NPFFR2: variants seen among roughly 807,000 people sequenced by gnomAD.
NPFFR2 encodes neuropeptide FF receptor 2, also known as G-protein coupled receptor 74.
In NPFFR2, 15 loss-of-function variants were observed where a neutral mutation model predicts 13.1. The ratio of observed to expected loss-of-function variants is 1.15; its 90% confidence interval spans 0.77 to 1.76. NPFFR2 has a LOEUF of 1.76. Among genes scored for constraint, NPFFR2 ranks in the 40% most tolerant of loss-of-function variants. The probability of loss-of-function intolerance (pLI) is 0.00; values close to 1 mark genes in which losing one functional copy is unlikely to be tolerated. For synonymous variants in NPFFR2, 190 were observed against 175.7 expected (o/e 1.08, Z -0.65); for missense variants, 572 against 503.5 (o/e 1.14, Z -1.30).
chr4:72,094,434 G>T (rs1350610262), intron 1 of NPFFR2, among the ~76,000 whole-genome samples: 1 of 152,180 alleles, frequency 6.6e-6, no homozygotes, highest in Non-Finnish European at 1.5e-5. Flanking sequence ...TATGTCCTTT[G>T]TCTTCAGCTA....
intron 2 of NPFFR2, among the ~76,000 whole-genome samples, chr4:72,135,023 G>C (rs1578478940): frequency 6.6e-6 from 1 of 152,104 alleles, no homozygotes; most frequent in East Asian, 1.9e-4. Context: ...CACTTAATTA[G>C]TTAGCTGTAT....
chr4:72,060,779 C>G (rs1023365820), intron 1 of NPFFR2, among the ~76,000 whole-genome samples: 3 of 152,108 alleles, frequency 2.0e-5, no homozygotes, highest in African/African-American at 7.2e-5. Context: ...TTCATCATCA[C>G]TTTTCTACTA....
At position 72,138,044 on chromosome 4, in the gene NPFFR2, G is replaced by A. The variant is rs764742681; in HGVS notation, c.333G>A (p.Trp111Ter). The A allele has an allele frequency of 1.9e-6, 3 of 1,609,876 alleles. No homozygotes were observed. Among genetic ancestry groups the A allele is most frequent in the Non-Finnish European group, 2.5e-6 (3 of 1,176,990 alleles). Residue 111 changes from tryptophan (W) to a stop codon, truncating the protein, a stop_gained, in exon 3 of 4, where the codon TGG (tryptophan) becomes TGA (stop). Transcript: ENST00000308744. LOFTEE classifies it high-confidence loss of function. The part of the protein sequence containing the change: ...ITLLDNIIAG[W>*]PFGNTMCKIS... The stretch of plus-strand genomic sequence containing the variant: ...ACTGTTTCATTTTCCTTTCAGGATG[G>A]CCATTTGGAAACACGATGTGCAAGA...
chr4:72,051,240 G>T (rs1270250625), intron 1 of NPFFR2, among the ~76,000 whole-genome samples: 2 of 151,834 alleles, frequency 1.3e-5, no homozygotes, highest in Non-Finnish European at 1.5e-5. Context: ...CAGTGTAAAT[G>T]GAAGTAAAGC....
chr4:72,144,139 G>A lies in NPFFR2; in HGVS notation c.429-2839G>A, dbSNP rs546979888. 2.0e-4 allele frequency among the ~76,000 whole-genome samples: 30 copies of A among 152,192 alleles called. No homozygotes were observed. The South Asian group carries it at 2.9e-3, about 15-fold the overall frequency. The stretch of plus-strand genomic sequence containing the variant: ...GTCAGGTGGAGCAGCTTCAAGGTTA[G>A]GGCTGAACCTTCTTTCACTCTCCTG... On this transcript the variant is annotated intron_variant, in intron 3 of 3. Coordinates refer to ENST00000308744, the MANE Select transcript of NPFFR2 (RefSeq NM_004885.3).
At chr4:72,040,930 A>ATATATATT (rs1719197734) in intron 1 of NPFFR2, among the ~76,000 whole-genome samples, 1 of 149,266 alleles carries the variant, frequency 6.7e-6, no homozygotes, top group Non-Finnish European at 1.5e-5. Flanking sequence ...GCTGTAAAAT[A>ATATATATT]TATATATATA....
chr4:72,105,822 C>T (rs913473568), intron 1 of NPFFR2, among the ~76,000 whole-genome samples: 1 of 151,960 alleles, frequency 6.6e-6, no homozygotes, highest in Admixed American at 6.6e-5. Context: ...TAATGAATGT[C>T]ACATGCTAGA....
At chr4:72,049,422 T>G (rs948574853) in intron 1 of NPFFR2, among the ~76,000 whole-genome samples, 1 of 152,094 alleles carries the variant, frequency 6.6e-6, no homozygotes, top group Non-Finnish European at 1.5e-5. Flanking sequence ...TGAAATAGAA[T>G]TTTTGCAGGG....
rs372789219 is a variant in NPFFR2 at position 72,147,339 on chromosome 4, G to A, written c.790G>A (p.Val264Met). 4.3e-6 allele frequency: 7 copies of A among 1,614,106 alleles called. No individual in the cohort carries two copies. Among genetic ancestry groups the A allele is most frequent in the South Asian group, 2.2e-5 (2 of 91,080 alleles). ...TGRKNQEQWH[V>M]VSRKKQKIIK... ...CAGGAAGAACCAGGAGCAGTGGCAC[G>A]TGGTGTCCAGGAAGAAGCAGAAGAT... Residue 264 changes from valine to methionine, a missense_variant, in exon 4 of 4, where the codon GTG (valine) becomes ATG (methionine). Val to Met is a conservative substitution (Grantham distance 21). Transcript: ENST00000308744.
At chr4:72,090,549 A>G (rs1720891465) in intron 1 of NPFFR2, among the ~76,000 whole-genome samples, 1 of 151,982 alleles carries the variant, frequency 6.6e-6, no homozygotes, top group Non-Finnish European at 1.5e-5. Context: ...CCCTCTGGTT[A>G]TGTATATTCC....
At chr4:72,090,208 C>T (rs951609182) in intron 1 of NPFFR2, among the ~76,000 whole-genome samples, 11 of 152,104 alleles carry the variant, frequency 7.2e-5, no homozygotes, top group African/African-American at 2.7e-4. Context: ...AAGTACCATG[C>T]TGTTGTGGTG....
intron 1 of NPFFR2, among the ~76,000 whole-genome samples, chr4:72,036,001 A>T (rs963795350): frequency 5.9e-5 from 9 of 152,194 alleles, no homozygotes; most frequent in Admixed American, 5.9e-4. Flanking sequence ...AGAATATTAC[A>T]GTTCTGGTTG....
chr4:72,083,955 G>C (rs563993301), intron 1 of NPFFR2, among the ~76,000 whole-genome samples: 43 of 152,214 alleles, frequency 2.8e-4, no homozygotes, highest in African/African-American at 1.0e-3. Flanking sequence ...ACTCAAGTCA[G>C]ATCCAATACA....
rs750555908 is a variant in NPFFR2 at position 72,128,589 on chromosome 4, A to G, written c.-3A>G. ...TTCTGTCTCTTCTTTATTAAGGTTC[A>G]TCATGAATGAGAAATGGGACACAAA... On this transcript the variant is annotated 5_prime_UTR_variant, in exon 2 of 4. Transcript: ENST00000308744. The G allele has an allele frequency of 6.3e-7, 1 of 1,590,142 alleles. No homozygotes were observed. The highest frequency in any genetic ancestry group is 8.6e-7 in the Non-Finnish European group (1 of 1,164,106).
At chr4:72,046,353 A>G (rs868465761) in intron 1 of NPFFR2, among the ~76,000 whole-genome samples, 1 of 152,190 alleles carries the variant, frequency 6.6e-6, no homozygotes, top group Admixed American at 6.5e-5. Flanking sequence ...TAATGCCATC[A>G]TTGCAGAAGT....
At position 72,067,026 on chromosome 4, in the gene NPFFR2, G is replaced by A. The variant is rs142325078; in HGVS notation, c.-8+34826G>A. On this transcript the variant is annotated intron_variant, in intron 1 of 3. Transcript: ENST00000308744. ...TCTGCTGGGCTTTTCCCAGGTTGGG[G>A]CCTTATTCAACACATGAGCAACAGT... Among the ~76,000 whole-genome samples, 57 of 130,624 alleles carry A rather than the reference G, an allele frequency of 4.4e-4. No individual in the cohort carries two copies. In the East Asian group the frequency reaches 0.01, roughly 24 times the overall value. The allele number at this position is 130,624 out of a possible 152,430, so 85.7% of individuals were successfully genotyped here.
chr4:72,132,717 T>C (rs539534760), intron 2 of NPFFR2, among the ~76,000 whole-genome samples: 1 of 152,338 alleles, frequency 6.6e-6, no homozygotes, highest in African/African-American at 2.4e-5. Context: ...GATATCCCAT[T>C]GTGGTTTTTA....
intron 1 of NPFFR2, among the ~76,000 whole-genome samples, chr4:72,081,775 G>A (rs1720630616): frequency 6.6e-6 from 1 of 152,120 alleles, no homozygotes; most frequent in African/African-American, 2.4e-5. Context: ...ACAGGCATGA[G>A]CCACCACACT....
intron 1 of NPFFR2, chr4:72,068,884 C>T: frequency 1.6e-6 from 1 of 617,904 alleles, no homozygotes; most frequent in Non-Finnish European, 2.7e-6. Flanking sequence ...TGGCTCTAGA[C>T]ACATATGGTT....
Sources: gnomAD v4.1 joint callset for allele counts (sites outside exome capture counted in the v4.1 genomes callset) on GRCh38, gnomAD v4.1.1 for gene constraint, MANE v1.5 for transcripts, NCBI Gene and HGNC (gene_info 2026-07-23, HGNC 2026-07-21) for gene names.